Variants in TNFSF4 observed in about 807,000 individuals in gnomAD.
TNFSF4 encodes the protein tumor necrosis factor ligand superfamily member 4.
In TNFSF4, 4 loss-of-function variants were observed where a neutral mutation model predicts 7.3. The observed-to-expected ratio is 0.55, with a 90% CI of 0.27 to 1.25. The LOEUF (loss-of-function observed/expected upper bound fraction) is 1.25. Among genes scored for constraint, TNFSF4 ranks in the 50% most tolerant of loss-of-function variants. The pLI is 0.12. For missense variants in TNFSF4, 181 were observed against 208.8 expected (o/e 0.87, Z 0.82); for synonymous variants, 76 against 83.7 (o/e 0.91, Z 0.50).
chr1:173,314,650 A>C, the TNFSF4 span, among the ~76,000 whole-genome samples: 1 of 152,162 alleles, frequency 6.6e-6, no homozygotes, highest in Non-Finnish European at 1.5e-5. Flanking sequence ...CAGGACCTGG[A>C]AGGCAAAAGA....
the TNFSF4 span, among the ~76,000 whole-genome samples, chr1:173,355,460 G>A: frequency 6.6e-6 from 1 of 152,158 alleles, no homozygotes; most frequent in African/African-American, 2.4e-5. Flanking sequence ...GTGAACCTCT[G>A]TTCCCGTCTA....
At chr1:173,230,788 A>G in the TNFSF4 span, among the ~76,000 whole-genome samples, 1 of 152,242 alleles carries the variant, frequency 6.6e-6, no homozygotes, top group Non-Finnish European at 1.5e-5. Flanking sequence ...CCTTCAGAGA[A>G]TACTATAAAA....
the TNFSF4 span, among the ~76,000 whole-genome samples, chr1:173,416,537 T>C: frequency 9.8e-5 from 15 of 152,294 alleles, no homozygotes; most frequent in Admixed American, 9.1e-4. Flanking sequence ...CCAGTAACAA[T>C]ATCTTCATTA....
chr1:173,348,037 T>C, the TNFSF4 span, among the ~76,000 whole-genome samples: 3 of 152,192 alleles, frequency 2.0e-5, no homozygotes, highest in Admixed American at 6.5e-5. Context: ...TTCCAATTCA[T>C]GGAATGCAGG....
the TNFSF4 span, among the ~76,000 whole-genome samples, chr1:173,228,238 G>C: frequency 6.6e-6 from 1 of 152,216 alleles, no homozygotes; most frequent in Non-Finnish European, 1.5e-5. Flanking sequence ...AGCTTCCAGA[G>C]GAATGATCAG....
the TNFSF4 span, among the ~76,000 whole-genome samples, chr1:173,383,793 C>T: frequency 1.3e-5 from 2 of 152,106 alleles, no homozygotes; most frequent in South Asian, 4.1e-4. Context: ...CCTCATTCAA[C>T]CACTTCCCAG....
chr1:173,334,862 T>C, the TNFSF4 span, among the ~76,000 whole-genome samples: 497 of 152,212 alleles, frequency 3.3e-3, 1 homozygote, highest in African/African-American at 0.011. Context: ...TCTAGACTTG[T>C]AACTAGACTT....
At chr1:173,379,328 G>A in the TNFSF4 span, among the ~76,000 whole-genome samples, 1 of 151,758 alleles carries the variant, frequency 6.6e-6, no homozygotes, top group African/African-American at 2.4e-5. Context: ...GGACTAAGGA[G>A]AATTAGGAAA....
At chr1:173,397,215 A>G in the TNFSF4 span, among the ~76,000 whole-genome samples, 2 of 152,238 alleles carry the variant, frequency 1.3e-5, no homozygotes, top group Non-Finnish European at 2.9e-5. Flanking sequence ...TCTAACCTGT[A>G]TCATAAAAAC....
At chr1:173,341,385 C>G in the TNFSF4 span, among the ~76,000 whole-genome samples, 1 of 152,154 alleles carries the variant, frequency 6.6e-6, no homozygotes, top group African/African-American at 2.4e-5. Context: ...TGAAAAGAGA[C>G]AGCAGGTCTT....
the TNFSF4 span, among the ~76,000 whole-genome samples, chr1:173,400,584 G>C: frequency 0.68 from 102,854 of 151,604 alleles, 34,844 homozygotes; most frequent in African/African-American, 0.71. Context: ...GCCACTTTGG[G>C]CTCTTCATGC....
At chr1:173,415,755 T>G in the TNFSF4 span, among the ~76,000 whole-genome samples, 1 of 152,246 alleles carries the variant, frequency 6.6e-6, no homozygotes, top group Non-Finnish European at 1.5e-5. Flanking sequence ...AACAATTTGT[T>G]TTCTTTTTTA....
At chr1:173,400,357 C>T in the TNFSF4 span, among the ~76,000 whole-genome samples, 14 of 152,184 alleles carry the variant, frequency 9.2e-5, no homozygotes, top group Admixed American at 6.5e-5. Flanking sequence ...CTGTTTCTCC[C>T]ATAGCCAGGA....
the TNFSF4 span, among the ~76,000 whole-genome samples, chr1:173,229,277 T>C: frequency 6.6e-6 from 1 of 152,174 alleles, no homozygotes; most frequent in African/African-American, 2.4e-5. Context: ...GGGCCAATAT[T>C]CAACATTCTT....
At chr1:173,321,144 G>C in the TNFSF4 span, among the ~76,000 whole-genome samples, 1 of 152,132 alleles carries the variant, frequency 6.6e-6, no homozygotes, top group Non-Finnish European at 1.5e-5. Context: ...TAGACCAAAG[G>C]AACAGAACAG....
At chr1:173,385,783 G>A in the TNFSF4 span, among the ~76,000 whole-genome samples, 11 of 152,164 alleles carry the variant, frequency 7.2e-5, no homozygotes, top group East Asian at 1.4e-3. Context: ...ATGTTTCAGT[G>A]AGCCATGATG....
the TNFSF4 span, among the ~76,000 whole-genome samples, chr1:173,316,877 C>A: frequency 2.6e-5 from 4 of 152,120 alleles, no homozygotes; most frequent in South Asian, 8.3e-4. Flanking sequence ...ATGTTTTCCT[C>A]TAAAAGCTTT....
the TNFSF4 span, among the ~76,000 whole-genome samples, chr1:173,446,264 A>G: frequency 2.0e-5 from 3 of 152,106 alleles, no homozygotes; most frequent in African/African-American, 7.3e-5. Context: ...AATAGAAACT[A>G]TAAAAAAAAA....
the TNFSF4 span, among the ~76,000 whole-genome samples, chr1:173,356,052 G>C: frequency 6.6e-6 from 1 of 152,302 alleles, no homozygotes; most frequent in East Asian, 1.9e-4. Flanking sequence ...CATCTACAGG[G>C]TTGCCATTCC....
Sources: gnomAD v4.1 joint callset for allele counts (sites outside exome capture counted in the v4.1 genomes callset) on GRCh38, gnomAD v4.1.1 for gene constraint, MANE v1.5 for transcripts, NCBI Gene and HGNC (gene_info 2026-07-23, HGNC 2026-07-21) for gene names.